Variants in DENND2B observed in about 807,000 individuals in gnomAD.
The protein encoded by DENND2B is DENN domain-containing protein 2B.
In DENND2B, 32 loss-of-function variants were observed where a neutral mutation model predicts 116.0. The ratio of observed to expected loss-of-function variants is 0.28; its 90% CI spans 0.21 to 0.37. The LOEUF is 0.37. Ranked by LOEUF, DENND2B falls within the 10% of genes least tolerant of loss-of-function variation. The pLI is 1.00. For missense variants in DENND2B, 1,276 were observed against 1,477.7 expected, an observed-to-expected ratio of 0.86 and a Z score of 2.24; for synonymous variants, 588 against 583.9, an observed-to-expected ratio of 1.01 and a Z score of -0.10.
intron 11 of DENND2B, among the ~76,000 whole-genome samples, chr11:8,710,076 C>G (rs778321553): frequency 6.6e-6 from 1 of 152,184 alleles, no homozygotes; most frequent in Non-Finnish European, 1.5e-5. Flanking sequence ...TCCTTCAGGG[C>G]TCCTGCCCCC....
intron 4 of DENND2B, among the ~76,000 whole-genome samples, chr11:8,720,388 C>T (rs1182857096): frequency 1.3e-5 from 2 of 152,172 alleles, no homozygotes; most frequent in Non-Finnish European, 2.9e-5. Flanking sequence ...AATAGATGTA[C>T]AAGCCTGGTG....
chr11:8,811,104 C>T (rs1363934739), upstream of DENND2B: 5 of 393,012 alleles, frequency 1.3e-5, no homozygotes, highest in African/African-American at 2.1e-5. Context: ...GACCCAGCTT[C>T]CTCTGGGTCC....
Position 8,712,877 on chromosome 11 carries a change from G to A in DENND2B, c.1988-142C>T. 1.1e-6 allele frequency: 1 copy of A among 893,648 alleles called. No homozygotes were observed. The allele number at this position is 893,648 out of a possible 1,614,324, so 55.4% of individuals were successfully genotyped here. A position where few individuals can be genotyped will look rare whatever the true frequency, so the allele number is the denominator to read the frequency against. ...ATACCATCCCCAGCTCACAGTGCAG[G>A]AGGACCGGCAGGCACAAGGTGCTGA... is the stretch of plus-strand genomic sequence containing the variant. On this transcript the variant is annotated intron_variant, in intron 8 of 19. Transcript: ENST00000313726. This position sits in a 1 kb window ranked among gnomAD's most constrained non-coding sequence, Gnocchi z 4.4.
At chr11:8,757,369 T>TCC (rs1357044783) in intron 1 of DENND2B, among the ~76,000 whole-genome samples, 1 of 152,168 alleles carries the variant, frequency 6.6e-6, no homozygotes, top group African/African-American at 2.4e-5. Context: ...GTACTATCAT[T>TCC]CCATTCACTG....
At chr11:8,811,275 G>T (rs2061361952), upstream of DENND2B, 1 of 398,670 alleles carries the variant, frequency 2.5e-6, no homozygotes, top group East Asian at 3.6e-5. Context: ...TGTGGCGATG[G>T]CTTTAACCAG....
intron 1 of DENND2B, among the ~76,000 whole-genome samples, chr11:8,777,100 T>A (rs1228145388): frequency 6.6e-6 from 1 of 152,238 alleles, no homozygotes; most frequent in Non-Finnish European, 1.5e-5. Flanking sequence ...AGGTAACCCA[T>A]TTAAGATTAC....
chr11:8,706,733 A>G (rs1290405910), intron 13 of DENND2B, among the ~76,000 whole-genome samples: 1 of 152,168 alleles, frequency 6.6e-6, no homozygotes, highest in African/African-American at 2.4e-5. Context: ...TACAAACTTC[A>G]TGAGGACAGA....
intron 2 of DENND2B, among the ~76,000 whole-genome samples, chr11:8,877,095 A>G (rs1449396591): frequency 5.3e-5 from 7 of 130,970 alleles, no homozygotes; most frequent in African/African-American, 1.9e-4. Context: ...ATGGGCTTGA[A>G]GATACTTTTT....
intron 1 of DENND2B, among the ~76,000 whole-genome samples, chr11:8,903,889 C>CAA (rs61317026): frequency 3.0e-3 from 227 of 75,040 alleles, no homozygotes; most frequent in East Asian, 3.8e-3. Context: ...GACCTTGTCT[C>CAA]AAAAAAAAAA....
chr11:8,760,699 C>T (rs967892743), intron 1 of DENND2B, among the ~76,000 whole-genome samples: 1 of 152,178 alleles, frequency 6.6e-6, no homozygotes, highest in Admixed American at 6.5e-5. Context: ...AAACAGTAAA[C>T]CCTTTTCTCC....
At chr11:8,720,119 G>A (rs923659412) in intron 4 of DENND2B, among the ~76,000 whole-genome samples, 1 of 152,148 alleles carries the variant, frequency 6.6e-6, no homozygotes, top group African/African-American at 2.4e-5. Flanking sequence ...GAGAGAGGGA[G>A]GGAGGCAGGA....
intron 3 of DENND2B, among the ~76,000 whole-genome samples, chr11:8,842,758 C>T (rs568794637): frequency 6.6e-6 from 1 of 152,226 alleles, no homozygotes; most frequent in East Asian, 1.9e-4. Context: ...ATGATGGAGA[C>T]ATCATGAAAG....
chr11:8,842,451 G>A (rs2062657975), intron 3 of DENND2B, among the ~76,000 whole-genome samples: 1 of 152,154 alleles, frequency 6.6e-6, no homozygotes. Context: ...GTGGCTCAGG[G>A]TTCTCTAAGG....
chr11:8,788,931 G>A (rs929810387), intron 1 of DENND2B, among the ~76,000 whole-genome samples: 3 of 152,172 alleles, frequency 2.0e-5, no homozygotes, highest in Non-Finnish European at 4.4e-5. Context: ...AATCCAGGCT[G>A]AAATCCATGA....
chr11:8,841,192 A>G (rs938421039), intron 3 of DENND2B, among the ~76,000 whole-genome samples: 3 of 152,068 alleles, frequency 2.0e-5, no homozygotes, highest in Non-Finnish European at 4.4e-5. Flanking sequence ...TTTTTAATTT[A>G]TTTATTATTT....
intron 2 of DENND2B, among the ~76,000 whole-genome samples, chr11:8,867,999 C>T (rs2063644979): frequency 7.4e-6 from 1 of 134,466 alleles, no homozygotes; most frequent in Middle Eastern, 3.9e-3. Flanking sequence ...ATCTACCTCT[C>T]AGGGTAGTCA....
At chr11:8,838,998 C>A (rs1210187436) in intron 4 of DENND2B, among the ~76,000 whole-genome samples, 2 of 152,192 alleles carry the variant, frequency 1.3e-5, no homozygotes, top group African/African-American at 4.8e-5. Context: ...GCACCAAGGT[C>A]TGAACTGAAA....
At chr11:8,750,854 T>G (rs567607836) in intron 1 of DENND2B, 129 bp from the exon 2 acceptor site, 1 of 741,684 alleles carries the variant, frequency 1.3e-6, no homozygotes, top group Non-Finnish European at 2.3e-6. Flanking sequence ...GCTTTCCCAC[T>G]TAATGTTTAA....
intron 2 of DENND2B, among the ~76,000 whole-genome samples, chr11:8,738,313 G>A (rs1358982570): frequency 1.3e-5 from 2 of 152,102 alleles, no homozygotes; most frequent in African/African-American, 4.8e-5. Context: ...CACTCTTCAT[G>A]GTTTTCTTCT....
Sources: gnomAD v4.1 joint callset for allele counts (sites outside exome capture counted in the v4.1 genomes callset) on GRCh38, gnomAD v4.1.1 for gene constraint, Gnocchi (gnomAD v3.1) non-coding constraint, MANE v1.5 for transcripts, NCBI Gene and HGNC (gene_info 2026-07-23, HGNC 2026-07-21) for gene names.